The following TENM3 variants were observed in gnomAD, a reference collection of about 807,000 sequenced individuals.
TENM3 encodes teneurin transmembrane protein 3, also known as teneurin-3.
A neutral mutation model predicts 255.1 loss-of-function variants in TENM3; 63 were observed. That is an observed-to-expected ratio of 0.25 (90% CI 0.20 to 0.30). The LOEUF (loss-of-function observed/expected upper bound fraction) is 0.30. Among genes scored for constraint, TENM3 ranks in the 10% least tolerant of loss-of-function variants. The pLI, the probability that TENM3 is intolerant of heterozygous loss-of-function variation, is 1.00. For missense variants in TENM3, 2,929 were observed against 3,461.1 expected (o/e 0.85, Z 3.86); for synonymous variants, 1,306 against 1,322.3 (o/e 0.99, Z 0.27).
chr4:182,791,504 C>T (rs995019176), intron 25 of TENM3, among the ~76,000 whole-genome samples: 4 of 152,060 alleles, frequency 2.6e-5, no homozygotes, highest in African/African-American at 9.7e-5. Context: ...TACATTTACT[C>T]ATTTCATAAT....
chr4:181,714,307 T>G, the TENM3 span, among the ~76,000 whole-genome samples: 5 of 152,108 alleles, frequency 3.3e-5, no homozygotes, highest in South Asian at 1.0e-3. Context: ...CTGGGTGTGG[T>G]GGCACATGCC....
intron 3 of TENM3, among the ~76,000 whole-genome samples, chr4:182,444,033 A>T (rs1244666296): frequency 6.6e-6 from 1 of 152,060 alleles, no homozygotes; most frequent in African/African-American, 2.4e-5. Context: ...TTGTGGGTGG[A>T]TTTTTCCATA....
At chr4:182,592,946 T>C (rs1357050590) in intron 3 of TENM3, among the ~76,000 whole-genome samples, 1 of 152,244 alleles carries the variant, frequency 6.6e-6, no homozygotes, top group Non-Finnish European at 1.5e-5. Context: ...TTGGCTTCTT[T>C]TAAATGTTCG....
chr4:182,198,689 T>TAGTG (rs1414301765), intron 1 of TENM3, among the ~76,000 whole-genome samples: 1 of 152,100 alleles, frequency 6.6e-6, no homozygotes, highest in African/African-American at 2.4e-5. Flanking sequence ...AGGTGTCAGG[T>TAGTG]AGTGCGGAGT....
At chr4:182,763,777 A>G (rs566639999) in intron 22 of TENM3, among the ~76,000 whole-genome samples, 1 of 151,644 alleles carries the variant, frequency 6.6e-6, no homozygotes, top group Non-Finnish European at 1.5e-5. Context: ...AATATTCAGG[A>G]TGACTAAACC....
chr4:181,847,787 G>A, the TENM3 span, among the ~76,000 whole-genome samples: 4 of 151,850 alleles, frequency 2.6e-5, no homozygotes, highest in Non-Finnish European at 1.5e-5. Context: ...TTCCAAGCTT[G>A]TATATTAGAC....
chr4:181,912,738 C>T, the TENM3 span, among the ~76,000 whole-genome samples: 4 of 149,416 alleles, frequency 2.7e-5, no homozygotes, highest in Admixed American at 2.7e-4. Flanking sequence ...TGCCACTGCA[C>T]TCCAGCCTGG....
the TENM3 span, among the ~76,000 whole-genome samples, chr4:181,938,174 G>A: frequency 1.3e-4 from 20 of 152,248 alleles, no homozygotes; most frequent in South Asian, 3.1e-3. Flanking sequence ...ACATTATAAC[G>A]TTTTATACCT....
At chr4:182,110,506 T>C in the TENM3 span, among the ~76,000 whole-genome samples, 3 of 151,914 alleles carry the variant, frequency 2.0e-5, no homozygotes, top group Non-Finnish European at 4.4e-5. Context: ...TTTTTTCTTT[T>C]GTAAAGACTG....
chr4:181,449,202 A>C, the TENM3 span, among the ~76,000 whole-genome samples: 1 of 152,152 alleles, frequency 6.6e-6, no homozygotes, highest in Non-Finnish European at 1.5e-5. Flanking sequence ...ACCTTAATGA[A>C]ATTAAGAGCA....
the TENM3 span, among the ~76,000 whole-genome samples, chr4:181,819,262 C>G: frequency 1.3e-5 from 2 of 152,014 alleles, no homozygotes; most frequent in African/African-American, 4.8e-5. Flanking sequence ...TTTTGCCCCC[C>G]CAATCGGCCT....
the TENM3 span, among the ~76,000 whole-genome samples, chr4:181,808,532 G>A: frequency 1.3e-4 from 20 of 152,210 alleles, no homozygotes; most frequent in South Asian, 2.1e-4. Flanking sequence ...CTGGCAATCC[G>A]AGATGTCTAC....
chr4:181,626,008 T>C, the TENM3 span, among the ~76,000 whole-genome samples: 1 of 152,070 alleles, frequency 6.6e-6, no homozygotes, highest in Non-Finnish European at 1.5e-5. Flanking sequence ...ACCAATCTCA[T>C]AGAAATAGAA....
chr4:182,739,117 TACTTG>T (rs1761409013), intron 18 of TENM3, among the ~76,000 whole-genome samples: 1 of 152,112 alleles, frequency 6.6e-6, no homozygotes, highest in Admixed American at 6.6e-5. Context: ...CATATATTGT[TACTTG>T]ACTTGGTGAA....
Position 182,554,546 on chromosome 4 carries a change from T to TTG in TENM3, c.512-46365_512-46364dup, listed in dbSNP as rs150788519. On this transcript the variant is annotated intron_variant, in intron 3 of 27. Coordinates refer to ENST00000511685, the MANE Select transcript of TENM3 (RefSeq NM_001080477.4). ...TGAGCAAGCCTGTGTGCCAGGCAAT[T>TTG]TGTGTGTGTGTGTGCACGTATGTGT... 2.4e-4 allele frequency among the ~76,000 whole-genome samples: 37 copies of TTG among 151,756 alleles called. No individual in the cohort carries two copies. The East Asian group carries it at 6.0e-3, about 25-fold the overall frequency.
intron 1 of TENM3, among the ~76,000 whole-genome samples, chr4:182,164,198 T>C (rs1291346679): frequency 6.6e-6 from 1 of 152,150 alleles, no homozygotes; most frequent in African/African-American, 2.4e-5. Context: ...CTCTTGCATG[T>C]CTCAGGCTCC....
chr4:181,575,388 TGG>T, the TENM3 span, among the ~76,000 whole-genome samples: 1 of 152,174 alleles, frequency 6.6e-6, no homozygotes, highest in East Asian at 1.9e-4. Context: ...TACAATTCGA[TGG>T]TAATGTCATT....
intron 3 of TENM3, among the ~76,000 whole-genome samples, chr4:182,583,185 C>G (rs1346897471): frequency 3.3e-5 from 5 of 151,950 alleles, no homozygotes; most frequent in Admixed American, 6.6e-5. Context: ...CCGAGGGAGA[C>G]ACATCCCAGA....
chr4:181,470,601 A>G, the TENM3 span, among the ~76,000 whole-genome samples: 1 of 152,118 alleles, frequency 6.6e-6, no homozygotes, highest in African/African-American at 2.4e-5. Context: ...CTTCCTCAGG[A>G]TTTCCATTTT....
Sources: gnomAD v4.1 joint callset for allele counts (sites outside exome capture counted in the v4.1 genomes callset) on GRCh38, gnomAD v4.1.1 for gene constraint, MANE v1.5 for transcripts, NCBI Gene and HGNC (gene_info 2026-07-23, HGNC 2026-07-21) for gene names.